Variants in SPATA1 observed in about 807,000 individuals in gnomAD.
The protein encoded by SPATA1 is spermatogenesis-associated protein 1.
In SPATA1, 57 loss-of-function variants were observed where a neutral mutation model predicts 59.6. The observed-to-expected ratio is 0.96, with a 90% CI of 0.77 to 1.19. The LOEUF is 1.19. SPATA1 is among the 50% of genes most tolerant of loss of function. The pLI is 0.00. For synonymous variants in SPATA1, 147 were observed against 163.9 expected (o/e 0.90, Z 0.79); for missense variants, 448 against 480.7 (o/e 0.93, Z 0.64).
At chr1:84,516,126 T>G in intron 1 of SPATA1, 97 bp from the exon 2 acceptor site, 1 of 417,832 alleles carries the variant, frequency 2.4e-6, no homozygotes, top group Non-Finnish European at 4.2e-6. Flanking sequence ...TATGTCCTTT[T>G]GAGTTAGAAT....
At chr1:84,527,129 G>A (rs1683258703) in intron 6 of SPATA1, among the ~76,000 whole-genome samples, 1 of 152,090 alleles carries the variant, frequency 6.6e-6, no homozygotes, top group African/African-American at 2.4e-5. Flanking sequence ...TAGAATACAA[G>A]AAATGTAACT....
chr1:84,521,975 A>G (rs1683046422), intron 3 of SPATA1, among the ~76,000 whole-genome samples: 1 of 152,192 alleles, frequency 6.6e-6, no homozygotes, highest in Non-Finnish European at 1.5e-5. Flanking sequence ...ACAATGTTAG[A>G]TTATTTAAAA....
chr1:84,531,081 A>G (rs1683444887), intron 6 of SPATA1, among the ~76,000 whole-genome samples: 1 of 152,160 alleles, frequency 6.6e-6, no homozygotes, highest in South Asian at 2.1e-4. Context: ...GTAGTTTACT[A>G]TTAGCTTTTA....
In SPATA1 at chr1:84,525,974, A is replaced by G. The variant is rs773412292; in HGVS notation, c.445A>G (p.Arg149Gly). 4 of 1,613,648 alleles carry G rather than the reference A, an allele frequency of 2.5e-6. No individual in the cohort carries two copies. The African/African-American group carries it at 4.0e-5, about 16-fold the overall frequency. ...TAATGAGGCTGATGGAACAATCCAC[A>G]GACCAATTAGTGTAACTTTGTTCAA... is the stretch of plus-strand genomic sequence containing the variant. The change falls in exon 6 of 13, where the codon AGA becomes GGA. Residue 149 changes from arginine to glycine, a missense_variant. Physicochemically the swap from Arg to Gly is moderately radical, Grantham distance 125. Coordinates refer to ENST00000490879, the Ensembl canonical transcript of SPATA1.
chr1:84,529,624 C>T (rs912634871), intron 6 of SPATA1, among the ~76,000 whole-genome samples: 1 of 130,132 alleles, frequency 7.7e-6, no homozygotes, highest in Non-Finnish European at 1.6e-5. Flanking sequence ...GCTCTGTTGC[C>T]AGGCTGCAGT....
chr1:84,558,573 G>C (rs955963909), downstream of SPATA1, among the ~76,000 whole-genome samples: 1 of 149,926 alleles, frequency 6.7e-6, no homozygotes, highest in Admixed American at 6.6e-5. Context: ...TTACAGGCGT[G>C]AGCCACCGCG....
At position 84,563,364 on chromosome 1, in the gene SPATA1, C is replaced by T. The variant is rs374103195; in HGVS notation, n.443-2497C>T. On this transcript the variant is annotated intron_variant and non_coding_transcript_variant, in intron 4 of 4. Coordinates refer to the SPATA1 transcript ENST00000460286. ...TTGTAGGGCACCTGACGTCCTGCAG[C>T]GTCACTACAAGGAGCCCCCCGGAAA... The T allele has an allele frequency of 2.2e-5, 35 of 1,593,962 alleles. No homozygotes were observed. Among genetic ancestry groups the T allele is most frequent in the African/African-American group, 1.9e-4 (14 of 73,686 alleles).
intron 8 of SPATA1, 149 bp downstream of exon 8, chr1:84,533,915 G>A: frequency 1.9e-6 from 1 of 528,882 alleles, no homozygotes; most frequent in Admixed American, 4.0e-5. Context: ...CAATTTTTCT[G>A]TTTTTATAAA....
At chr1:84,538,857 T>C (rs902050714) in intron 8 of SPATA1, among the ~76,000 whole-genome samples, 2 of 152,104 alleles carry the variant, frequency 1.3e-5, no homozygotes, top group African/African-American at 4.8e-5. Context: ...TGGAATGCAG[T>C]GCAGTGTTCA....
intron 5 of SPATA1, 36 bp from the exon 6 acceptor site, chr1:84,525,809 T>G (rs373890160): frequency 2.5e-6 from 4 of 1,606,744 alleles, no homozygotes; most frequent in Non-Finnish European, 3.4e-6. Context: ...TGCTTTTAAT[T>G]GCAAACTAAC....
intron 4 of SPATA1, among the ~76,000 whole-genome samples, chr1:84,564,505 T>C (rs924382318): frequency 1.3e-5 from 2 of 152,198 alleles, no homozygotes; most frequent in Non-Finnish European, 2.9e-5. Context: ...GGGTGGGGTA[T>C]GTATCAGTTC....
At chr1:84,546,922 G>A (rs1684105831) in intron 10 of SPATA1, among the ~76,000 whole-genome samples, 1 of 152,192 alleles carries the variant, frequency 6.6e-6, no homozygotes. Flanking sequence ...GATGAAGACA[G>A]TACATGATGG....
At chr1:84,525,931 G>C in exon 6 of SPATA1, 2 of 1,613,652 alleles carry the variant, frequency 1.2e-6, no homozygotes, top group East Asian at 4.5e-5. Context: ...TAGATGAGCG[G>C]CAGACTAATA....
At chr1:84,560,669 A>G (rs926421686) in intron 4 of SPATA1, among the ~76,000 whole-genome samples, 5 of 152,228 alleles carry the variant, frequency 3.3e-5, no homozygotes, top group African/African-American at 9.6e-5. Context: ...TTTAAAGCTC[A>G]AAGTACAGGC....
chr1:84,565,669 A>G (rs1213869465), intron 4 of SPATA1, among the ~76,000 whole-genome samples, 192 bp from the exon 14 acceptor site: 1 of 152,200 alleles, frequency 6.6e-6, no homozygotes, highest in Non-Finnish European at 1.5e-5. Flanking sequence ...CAAAACTTTA[A>G]AACTTTTTGT....
At chr1:84,508,730 G>A (rs930362960) in intron 1 of SPATA1, among the ~76,000 whole-genome samples, 2 of 152,072 alleles carry the variant, frequency 1.3e-5, no homozygotes, top group African/African-American at 4.8e-5. Flanking sequence ...CTTCAAAGGG[G>A]GATTTCACAA....
rs556132921 is a variant in SPATA1 at position 84,545,181 on chromosome 1, C to T, written c.821-453C>T. ...GGAGTGAGCCAGTATTGCACCACTA[C>T]ACTCCAGCCTGAGCAACAGAGTGAG... is the stretch of plus-strand genomic sequence containing the variant. On this transcript the variant is annotated intron_variant, in intron 9 of 12. Transcript: ENST00000490879. 3.3e-5 allele frequency among the ~76,000 whole-genome samples: 5 copies of T among 150,606 alleles called. No homozygotes were observed. The South Asian group carries it at 8.3e-4, about 25-fold the overall frequency.
At chr1:84,508,323 A>T (rs1330578906) in intron 1 of SPATA1, among the ~76,000 whole-genome samples, 1 of 151,990 alleles carries the variant, frequency 6.6e-6, no homozygotes. Context: ...CTTTAAGTTC[A>T]GTTGCATCTG....
intron 1 of SPATA1, among the ~76,000 whole-genome samples, chr1:84,512,680 G>A (rs918914601): frequency 1.3e-5 from 2 of 152,206 alleles, no homozygotes; most frequent in African/African-American, 4.8e-5. Flanking sequence ...GACCAGATCA[G>A]AGATGGCAGA....
Sources: gnomAD v4.1 joint callset for allele counts (sites outside exome capture counted in the v4.1 genomes callset) on GRCh38, gnomAD v4.1.1 for gene constraint, MANE v1.5 for transcripts, NCBI Gene and HGNC (gene_info 2026-07-23, HGNC 2026-07-21) for gene names.